Variants in ATXN7 observed in about 807,000 individuals in gnomAD.
The protein encoded by ATXN7 is ataxin-7.
A neutral mutation model predicts 70.5 loss-of-function variants in ATXN7; 12 were observed. The observed-to-expected ratio is 0.17, with a 90% CI of 0.11 to 0.28. ATXN7 has a LOEUF of 0.28. Ranked by LOEUF, ATXN7 falls within the 10% of genes least tolerant of loss-of-function variation. The pLI is 1.00. For missense variants in ATXN7, 1,256 were observed against 1,131.7 expected (o/e 1.11, Z -1.58); for synonymous variants, 498 against 448.7 (o/e 1.11, Z -1.39).
chr3:63,963,934 G>A (rs1039902030), intron 5 of ATXN7, among the ~76,000 whole-genome samples: 2 of 152,098 alleles, frequency 1.3e-5, no homozygotes, highest in African/African-American at 4.8e-5. Flanking sequence ...CTGCTGGATT[G>A]CTTTCCAAAA....
chr3:63,975,301 A>T (rs1178906171), intron 5 of ATXN7, among the ~76,000 whole-genome samples: 1 of 152,188 alleles, frequency 6.6e-6, no homozygotes, highest in Non-Finnish European at 1.5e-5. Flanking sequence ...TTATTTTGGC[A>T]TGTGTAAAAT....
intron 5 of ATXN7, among the ~76,000 whole-genome samples, chr3:63,978,696 T>C (rs550248808): frequency 7.6e-4 from 116 of 152,294 alleles, no homozygotes; most frequent in African/African-American, 2.6e-3. Flanking sequence ...AGTTGGAGAA[T>C]AGAAATTTGA....
intron 1 of ATXN7, among the ~76,000 whole-genome samples, chr3:63,891,648 G>T (rs1052506375): frequency 6.6e-6 from 1 of 152,104 alleles, no homozygotes; most frequent in African/African-American, 2.4e-5. Flanking sequence ...TTCACATTTT[G>T]GATTCAGTCA....
intron 5 of ATXN7, among the ~76,000 whole-genome samples, chr3:63,952,863 T>G (rs1336676624): frequency 2.9e-5 from 4 of 140,088 alleles, no homozygotes; most frequent in Non-Finnish European, 6.1e-5. Context: ...TTTTTTTTTT[T>G]TTTAAGGAAA....
intron 5 of ATXN7, among the ~76,000 whole-genome samples, chr3:63,957,790 T>TA (rs538281979): frequency 9.9e-5 from 15 of 152,228 alleles, no homozygotes; most frequent in Non-Finnish European, 1.9e-4. Flanking sequence ...GAGTGATACC[T>TA]ACTCCATATT....
chr3:63,985,648 T>G (rs757787854), intron 8 of ATXN7, among the ~76,000 whole-genome samples: 4 of 152,200 alleles, frequency 2.6e-5, no homozygotes, highest in Non-Finnish European at 5.9e-5. Flanking sequence ...TTGCTGCTGT[T>G]CATTCCCATT....
rs114931730 is a variant in ATXN7, at chr3:63,865,551, G to A, written c.-111+1393G>A. Among the ~76,000 whole-genome samples, 466 of 152,120 alleles carry A rather than the reference G, an allele frequency of 3.1e-3. 3 individuals are homozygous for A. Among genetic ancestry groups the A allele is most frequent in the African/African-American group, 0.011 (448 of 41,480 alleles). On this transcript the variant is annotated intron_variant, in intron 1 of 12. Transcript: ENST00000674280. ...TAAACTGAAATTGTCAATTGATTGG[G>A]GTTCACAATACCAAGTTGCATTTTG...
chr3:63,867,857 C>T (rs925644844), intron 1 of ATXN7, among the ~76,000 whole-genome samples: 6 of 152,074 alleles, frequency 3.9e-5, no homozygotes, highest in Non-Finnish European at 7.4e-5. Context: ...TACACTCTAG[C>T]CTGGGCAACA....
Position 63,995,783 on chromosome 3 carries a change from C to G in ATXN7, c.1961C>G (p.Ser654Cys). ...RQVSSSSSSP[S>C]TPSGLSSVPS... ...GTGTCCTCTTCATCCTCATCCCCTTCCACGCCCTCTGGCCTTTCCTCGGTT... is the reference window on the plus strand; with the variant it reads ...GTGTCCTCTTCATCCTCATCCCCTTGCACGCCCTCTGGCCTTTCCTCGGTT... Residue 654 changes from serine to cysteine, a missense_variant, in exon 12 of 13, where the codon TCC becomes TGC. Physicochemically the swap from Ser to Cys is moderately radical, Grantham distance 112. Transcript: ENST00000674280. 6.2e-7 allele frequency: 1 copy of G among 1,614,234 alleles called. No individual in the cohort carries two copies. The highest frequency in any genetic ancestry group is 8.5e-7 in the Non-Finnish European group (1 of 1,180,038).
chr3:63,960,697 C>T (rs2075114660), intron 5 of ATXN7, among the ~76,000 whole-genome samples: 1 of 152,102 alleles, frequency 6.6e-6, no homozygotes, highest in East Asian at 1.9e-4. Context: ...GCTTATGGAT[C>T]AGGAGGTTGT....
intron 4 of ATXN7, among the ~76,000 whole-genome samples, chr3:63,915,076 C>T (rs575520500): frequency 2.6e-5 from 4 of 152,262 alleles, no homozygotes; most frequent in Admixed American, 2.0e-4. Flanking sequence ...GCTGGGACTG[C>T]AGGCGGCGGG....
At chr3:63,936,839 A>G (rs759910393) in intron 4 of ATXN7, among the ~76,000 whole-genome samples, 8 of 152,168 alleles carry the variant, frequency 5.3e-5, no homozygotes, top group Non-Finnish European at 1.2e-4. Flanking sequence ...TACTCAGCCC[A>G]TATTTTGTAC....
At chr3:63,912,559 C>T (rs1298876638) in intron 2 of ATXN7, 29 bp from the exon 3 acceptor site, 2 of 1,115,118 alleles carry the variant, frequency 1.8e-6, no homozygotes, top group Non-Finnish European at 2.2e-6. Flanking sequence ...CCGCGCGACT[C>T]TTTCCCCCTT....
chr3:63,994,526 C>T (rs747161777), intron 11 of ATXN7, among the ~76,000 whole-genome samples: 12 of 152,202 alleles, frequency 7.9e-5, no homozygotes, highest in South Asian at 6.2e-4. Flanking sequence ...TGAGCCACTG[C>T]GCCTGGCCGA....
chr3:63,886,574 A>G lies in ATXN7; in HGVS notation c.-110-11825A>G, dbSNP rs532490672. On this transcript the variant is annotated intron_variant, in intron 1 of 12. Transcript: ENST00000674280. ...TATTGGTTCATTAGCTGTGACAAAG[A>G]TACTATACTTACATAAGAGGTTAAC... Among the ~76,000 whole-genome samples the G allele has an allele frequency of 6.6e-5, 10 of 152,324 alleles. No homozygotes were observed. In the South Asian group the frequency reaches 2.1e-3, roughly 32 times the overall value.
chr3:63,900,666 A>C (rs1158447870), intron 2 of ATXN7: 2 of 152,354 alleles, frequency 1.3e-5, no homozygotes, highest in Non-Finnish European at 2.9e-5. Context: ...ATGCCAGAGG[A>C]GCTCTTTAGT....
intron 2 of ATXN7, among the ~76,000 whole-genome samples, chr3:63,899,086 A>G (rs1232104287): frequency 6.6e-6 from 1 of 150,798 alleles, no homozygotes; most frequent in Non-Finnish European, 1.5e-5. Flanking sequence ...TTTTTGAGAC[A>G]GAGTCTCACT....
intron 4 of ATXN7, among the ~76,000 whole-genome samples, chr3:63,945,655 C>T (rs2074847402): frequency 6.6e-6 from 1 of 152,176 alleles, no homozygotes; most frequent in African/African-American, 2.4e-5. Context: ...GGTTAGGCAC[C>T]ATTAGGCACT....
intron 1 of ATXN7, among the ~76,000 whole-genome samples, chr3:63,879,457 C>G (rs1702841809): frequency 6.7e-6 from 1 of 149,676 alleles, no homozygotes; most frequent in African/African-American, 2.5e-5. Flanking sequence ...AAGGAAAGTG[C>G]AACTTAAGTC....
Sources: gnomAD v4.1 joint callset for allele counts (sites outside exome capture counted in the v4.1 genomes callset) on GRCh38, gnomAD v4.1.1 for gene constraint, MANE v1.5 for transcripts, NCBI Gene and HGNC (gene_info 2026-07-23, HGNC 2026-07-21) for gene names.